KCNIP4: variants seen among roughly 807,000 people sequenced by gnomAD.
KCNIP4 encodes the protein potassium voltage-gated channel interacting protein 4.
Under a neutral mutation model 34.0 loss-of-function variants are expected in KCNIP4, and 12 were observed. That is an observed-to-expected ratio of 0.35 (90% CI 0.23 to 0.57). The LOEUF is 0.57. Among genes scored for constraint, KCNIP4 ranks in the 20% least tolerant of loss-of-function variants. The pLI, the probability that KCNIP4 is intolerant of heterozygous loss-of-function variation, is 0.83. For missense variants in KCNIP4, 238 were observed against 311.7 expected (o/e 0.76, Z 1.78); for synonymous variants, 124 against 102.2 (o/e 1.21, Z -1.29).
intron 3 of KCNIP4, among the ~76,000 whole-genome samples, chr4:20,842,693 G>C (rs545552922): frequency 8.6e-5 from 13 of 151,752 alleles, no homozygotes; most frequent in Non-Finnish European, 1.5e-4. Context: ...GTGGAGAATG[G>C]TTCAGAGGAA....
chr4:20,891,156 A>G (rs996850749), intron 1 of KCNIP4, among the ~76,000 whole-genome samples: 1 of 152,070 alleles, frequency 6.6e-6, no homozygotes, highest in Admixed American at 6.6e-5. Flanking sequence ...AATGGCTCGT[A>G]CTCTATTAAT....
intron 3 of KCNIP4, chr4:20,766,706 C>T (rs1208457414): frequency 6.6e-6 from 1 of 152,194 alleles, no homozygotes; most frequent in South Asian, 2.1e-4. Flanking sequence ...TAAGCCTGAC[C>T]TCATGTCTAG....
intron 1 of KCNIP4, among the ~76,000 whole-genome samples, chr4:21,414,254 G>A (rs910311132): frequency 6.6e-6 from 1 of 152,156 alleles, no homozygotes; most frequent in African/African-American, 2.4e-5. Context: ...AGGTAATGGA[G>A]ATGTATACAT....
chr4:21,702,426 G>A (rs1030708641), intron 1 of KCNIP4, among the ~76,000 whole-genome samples: 22 of 151,962 alleles, frequency 1.4e-4, no homozygotes, highest in African/African-American at 5.3e-4. Flanking sequence ...TTGTGAGCAG[G>A]AAAAACAAAT....
At chr4:21,072,725 C>T (rs1029267560) in intron 1 of KCNIP4, among the ~76,000 whole-genome samples, 1 of 151,898 alleles carries the variant, frequency 6.6e-6, no homozygotes, top group East Asian at 1.9e-4. Context: ...TTGCCCATGC[C>T]TATGTCCTGA....
intron 1 of KCNIP4, among the ~76,000 whole-genome samples, chr4:21,941,566 G>A (rs1730205620): frequency 6.6e-6 from 1 of 151,398 alleles, no homozygotes; most frequent in Admixed American, 6.6e-5. Flanking sequence ...TACAAAAGGG[G>A]ACATTTCCCT....
chr4:20,982,057 G>C (rs897815866), intron 1 of KCNIP4, among the ~76,000 whole-genome samples: 5 of 152,276 alleles, frequency 3.3e-5, no homozygotes, highest in Admixed American at 2.6e-4. Context: ...TAAGTGATAT[G>C]AAACAGACAT....
chr4:21,649,281 C>G (rs890047290), intron 1 of KCNIP4, among the ~76,000 whole-genome samples: 2 of 152,184 alleles, frequency 1.3e-5, no homozygotes, highest in Admixed American at 6.5e-5. Context: ...ATCATTTTTA[C>G]AGTCATGTGA....
At chr4:21,488,589 T>C (rs944634993) in intron 1 of KCNIP4, among the ~76,000 whole-genome samples, 4 of 151,998 alleles carry the variant, frequency 2.6e-5, no homozygotes, top group African/African-American at 4.8e-5. Context: ...ATAAAGAACA[T>C]GGAAGAAGAT....
At chr4:21,047,123 T>A (rs886517468) in intron 1 of KCNIP4, among the ~76,000 whole-genome samples, 1 of 152,216 alleles carries the variant, frequency 6.6e-6, no homozygotes, top group Non-Finnish European at 1.5e-5. Context: ...TATCTTCTCA[T>A]TGACAAAACA....
intron 3 of KCNIP4, among the ~76,000 whole-genome samples, chr4:20,809,836 T>C (rs1023639124): frequency 5.3e-5 from 8 of 150,330 alleles, no homozygotes; most frequent in East Asian, 1.9e-4. Flanking sequence ...TCTGCCCTTA[T>C]ATGAACTGCT....
chr4:20,974,095 C>T (rs894358520), intron 1 of KCNIP4, among the ~76,000 whole-genome samples: 3 of 152,168 alleles, frequency 2.0e-5, no homozygotes, highest in South Asian at 2.1e-4. Context: ...CACAAGCCTT[C>T]GCTTTGTAAA....
chr4:21,486,447 T>C (rs1232745925), intron 1 of KCNIP4, among the ~76,000 whole-genome samples: 1 of 152,116 alleles, frequency 6.6e-6, no homozygotes, highest in Non-Finnish European at 1.5e-5. Flanking sequence ...TTTAGGTGGT[T>C]TTGGTGTATT....
intron 1 of KCNIP4, among the ~76,000 whole-genome samples, chr4:21,636,426 A>G (rs1746171381): frequency 6.6e-6 from 1 of 152,168 alleles, no homozygotes; most frequent in Non-Finnish European, 1.5e-5. Flanking sequence ...CTTGAAAGAA[A>G]TGACTTATGC....
chr4:21,358,726 C>T (rs982038194), intron 1 of KCNIP4, among the ~76,000 whole-genome samples: 3 of 152,150 alleles, frequency 2.0e-5, no homozygotes, highest in African/African-American at 7.2e-5. Flanking sequence ...TTAGGGCAAG[C>T]ATACCTCTCT....
chr4:21,759,110 A>G (rs1330117243), intron 1 of KCNIP4, among the ~76,000 whole-genome samples: 1 of 152,154 alleles, frequency 6.6e-6, no homozygotes, highest in African/African-American at 2.4e-5. Context: ...CTGTGAGAGA[A>G]AAGATCATTG....
intron 1 of KCNIP4, among the ~76,000 whole-genome samples, chr4:21,018,958 T>C (rs1024016183): frequency 2.6e-5 from 4 of 152,170 alleles, no homozygotes; most frequent in African/African-American, 9.7e-5. Context: ...CATAACAAAA[T>C]ACCACACATC....
chr4:20,927,005 G>A (rs555454525), intron 1 of KCNIP4, among the ~76,000 whole-genome samples: 2 of 152,030 alleles, frequency 1.3e-5, no homozygotes, highest in Non-Finnish European at 2.9e-5. Flanking sequence ...ATGGAGTCTC[G>A]AGTCTCGCTC....
At chr4:21,556,295 T>C (rs1171611551) in intron 1 of KCNIP4, among the ~76,000 whole-genome samples, 1 of 152,080 alleles carries the variant, frequency 6.6e-6, no homozygotes, top group East Asian at 1.9e-4. Flanking sequence ...AACAAATATA[T>C]TAGGTACATG....
Sources: gnomAD v4.1 joint callset for allele counts (sites outside exome capture counted in the v4.1 genomes callset) on GRCh38, gnomAD v4.1.1 for gene constraint, MANE v1.5 for transcripts, NCBI Gene and HGNC (gene_info 2026-07-23, HGNC 2026-07-21) for gene names.